TTYH2: variants seen among roughly 807,000 people sequenced by gnomAD.
TTYH2 encodes the protein protein tweety homolog 2.
In TTYH2, 49 loss-of-function variants were observed where a neutral mutation model predicts 68.3. The observed-to-expected ratio is 0.72, with a 90% CI of 0.57 to 0.91. TTYH2 has a LOEUF of 0.91. Among genes scored for constraint, TTYH2 ranks in the 40% least tolerant of loss-of-function variants. The pLI, the probability that TTYH2 is intolerant of heterozygous loss-of-function variation, is 0.00. For missense variants in TTYH2, 631 were observed against 700.4 expected (o/e 0.90, Z 1.12); for synonymous variants, 272 against 300.8 (o/e 0.90, Z 0.99).
chr17:74,243,914 T>TGGGGTGGGGGGGGGGGGGGGGG, intron 5 of TTYH2, 63 bp from the exon 6 acceptor site: 2 of 1,203,952 alleles, frequency 1.7e-6, no homozygotes, highest in East Asian at 8.8e-5. Flanking sequence ...GCAGGGTGGG[T>TGGGGTGGGGGGGGGGGGGGGGG]GGGGTGATGG....
At chr17:74,218,182 AG>A (rs1277096816) in intron 1 of TTYH2, among the ~76,000 whole-genome samples, 4 of 69,792 alleles carry the variant, frequency 5.7e-5, no homozygotes, top group Admixed American at 5.5e-4. Flanking sequence ...GGTTAGGGGG[AG>A]GGGGGTGGGC....
intron 2 of TTYH2, among the ~76,000 whole-genome samples, chr17:74,228,097 C>T (rs1180850733): frequency 1.3e-5 from 2 of 150,314 alleles, no homozygotes; most frequent in Admixed American, 1.3e-4. Flanking sequence ...GATTCTCCTG[C>T]CTCAGTCTCC....
rs2050234772 is a variant in TTYH2 at position 74,217,726 on chromosome 17, G to C, written c.129+4010G>C. Among the ~76,000 whole-genome samples, 1 of 152,202 alleles carries C rather than the reference G, an allele frequency of 6.6e-6. No homozygotes were observed. The highest frequency in any genetic ancestry group is 6.5e-5 in the Admixed American group (1 of 15,284). ...TCTCTCTATGTCTTCTGGGGCCAGG[G>C]CTGTTGCCCCCTCCCCTGCCCAGTG... On this transcript the variant is annotated intron_variant, in intron 1 of 13. Transcript: ENST00000269346. The surrounding 1 kb of genome is among the most constrained non-coding windows in gnomAD (Gnocchi z 4.0).
Position 74,237,369 on chromosome 17 carries a change from C to T in TTYH2, c.490C>T (p.Arg164Trp), listed in dbSNP as rs200550210. The T allele has an allele frequency of 1.7e-5, 28 of 1,613,998 alleles. No individual in the cohort carries two copies. Among genetic ancestry groups the T allele is most frequent in the South Asian group, 1.1e-4 (10 of 91,076 alleles). ...CCGGCTCAGTGAGATCTTTGCTGCCCGGGGCGATTACCTGCAGACCCTGAA... is the reference window on the plus strand; with the variant it reads ...CCGGCTCAGTGAGATCTTTGCTGCCTGGGGCGATTACCTGCAGACCCTGAA... ...LARLSEIFAARGDYLQTLKFI... is the reference protein window; with the variant it reads ...LARLSEIFAAWGDYLQTLKFI... Residue 164 changes from arginine (R) to tryptophan (W), a missense_variant, in exon 4 of 14, where the codon CGG becomes TGG. Transcript: ENST00000269346.
intron 5 of TTYH2, 23 bp from the exon 6 acceptor site, chr17:74,243,954 G>T: frequency 6.2e-7 from 1 of 1,608,680 alleles, no homozygotes; most frequent in Non-Finnish European, 8.5e-7. Context: ...GCCTGCCAAC[G>T]TTGTCGCCTG....
chr17:74,219,810 T>G (rs541676540), intron 1 of TTYH2, among the ~76,000 whole-genome samples: 1 of 152,198 alleles, frequency 6.6e-6, no homozygotes, highest in Non-Finnish European at 1.5e-5. Flanking sequence ...ATCTTTTCTC[T>G]TGTTGGTGGA....
In TTYH2 at chr17:74,217,056, G is replaced by A. The variant is rs139366172; in HGVS notation, c.129+3340G>A. ...ACTGAATCCAGCAATGTCTCTCTGA[G>A]CAAATGAACGAGGCACTTCGGTGTC... On this transcript the variant is annotated intron_variant, in intron 1 of 13. Coordinates refer to ENST00000269346, the MANE Select transcript of TTYH2 (RefSeq NM_032646.6). This position sits in a 1 kb window ranked among gnomAD's most constrained non-coding sequence, Gnocchi z 4.0. Among the ~76,000 whole-genome samples, 92 of 152,360 alleles carry A rather than the reference G, an allele frequency of 6.0e-4. 1 individual carries two copies. Among genetic ancestry groups the A allele is most frequent in the South Asian group, 2.5e-3 (12 of 4,832 alleles).
In TTYH2 at chr17:74,221,799, G is replaced by A. The variant is rs550691286; in HGVS notation, c.130-686G>A. Among the ~76,000 whole-genome samples the A allele has an allele frequency of 4.9e-4, 75 of 152,278 alleles. No homozygotes were observed. The Middle Eastern group carries it at 0.017, about 35-fold the overall frequency. On this transcript the variant is annotated intron_variant, in intron 1 of 13. Transcript: ENST00000269346. ...TGGAGGTTCAGCTGTCCCTGGTGGG[G>A]TGCAGTGGAAGGGACTCCAGAAGTT... is the stretch of plus-strand genomic sequence containing the variant.
At chr17:74,251,792 C>G (rs899746451) in intron 10 of TTYH2, 1 of 169,410 alleles carries the variant, frequency 5.9e-6, no homozygotes, top group African/African-American at 2.4e-5. Context: ...TTTAAAAGTC[C>G]GTACTCCTCT....
In TTYH2 at chr17:74,213,733, C is replaced by G. The variant is rs751845973; in HGVS notation, c.129+17C>G. 3.7e-6 allele frequency: 6 copies of G among 1,606,862 alleles called. No individual in the cohort carries two copies. The highest frequency in any genetic ancestry group is 3.4e-6 in the Non-Finnish European group (4 of 1,176,568). On this transcript the variant is annotated intron_variant, in intron 1 of 13. Coordinates refer to ENST00000269346, the MANE Select transcript of TTYH2 (RefSeq NM_032646.6). This position sits in a 1 kb window ranked among gnomAD's most constrained non-coding sequence, Gnocchi z 6.1. ...TACCAGGAGGTAAGTTTACGCCGCC[C>G]CAGACCGCAGCCACGCGCGCCCCAA... is the stretch of plus-strand genomic sequence containing the variant.
At position 74,213,792 on chromosome 17, in the gene TTYH2, T is replaced by C. The variant is rs2050195381; in HGVS notation, c.129+76T>C. 1 of 1,536,190 alleles carries C rather than the reference T, an allele frequency of 6.5e-7. No homozygotes were observed. The highest frequency in any genetic ancestry group is 1.8e-5 in the Admixed American group (1 of 55,260). On this transcript the variant is annotated intron_variant, in intron 1 of 13. Transcript: ENST00000269346. The surrounding 1 kb of genome is among the most constrained non-coding windows in gnomAD (Gnocchi z 6.1). ...ACTACCCCCTCTCCCCTCGAGAGCC[T>C]GCACTTTCCCACGTGCCTCTCAGAC... is the stretch of plus-strand genomic sequence containing the variant.
At chr17:74,230,157 G>A (rs991326586) in intron 2 of TTYH2, among the ~76,000 whole-genome samples, 1 of 151,968 alleles carries the variant, frequency 6.6e-6, no homozygotes, top group African/African-American at 2.4e-5. Flanking sequence ...AAATAAAGGG[G>A]TTAGAGGGGA....
chr17:74,252,140 C>G (rs1238505320), intron 10 of TTYH2, 94 bp from the exon 11 acceptor site: 1 of 1,542,390 alleles, frequency 6.5e-7, no homozygotes, highest in Non-Finnish European at 8.8e-7. Context: ...ACCCCAGGTC[C>G]AGGCTCGGGG....
At chr17:74,221,334 C>T (rs898463453) in intron 1 of TTYH2, among the ~76,000 whole-genome samples, 6 of 152,186 alleles carry the variant, frequency 3.9e-5, no homozygotes, top group South Asian at 2.1e-4. Flanking sequence ...CTGCAGAGCC[C>T]GGCCTTGGTT....
At chr17:74,234,350 C>G (rs2050421164) in intron 3 of TTYH2, among the ~76,000 whole-genome samples, 1 of 152,216 alleles carries the variant, frequency 6.6e-6, no homozygotes, top group South Asian at 2.1e-4. Flanking sequence ...GTTCTCAGAG[C>G]TTTCCGTGAG....
At chr17:74,251,697 A>G (rs1337173605) in intron 10 of TTYH2, among the ~76,000 whole-genome samples, 1 of 151,872 alleles carries the variant, frequency 6.6e-6, no homozygotes, top group East Asian at 1.9e-4. Context: ...GAGCTTTCAC[A>G]CATGCAACCA....
At chr17:74,237,547 A>G in intron 4 of TTYH2, 33 bp downstream of exon 4, 1 of 1,565,442 alleles carries the variant, frequency 6.4e-7, no homozygotes, top group Non-Finnish European at 8.7e-7. Flanking sequence ...AGGGAGGGGC[A>G]GCAGCGGCTA....
At chr17:74,231,487 A>G (rs1333663670) in intron 3 of TTYH2, among the ~76,000 whole-genome samples, 10 of 152,090 alleles carry the variant, frequency 6.6e-5, no homozygotes, top group Non-Finnish European at 1.5e-4. Flanking sequence ...CAGGAGTTTG[A>G]GACCAGCCTG....
Position 74,222,744 on chromosome 17 carries a change from C to A in TTYH2, c.302+87C>A, listed in dbSNP as rs895955506. ...GTTTGACCATGTTCTGACGGAGCTC[C>A]AGCTACCTTGATGGAAAAGCTTGTC... On this transcript the variant is annotated intron_variant, in intron 2 of 13. Transcript: ENST00000269346. This position sits in a 1 kb window ranked among gnomAD's most constrained non-coding sequence, Gnocchi z 5.2. 90 of 1,386,132 alleles carry A rather than the reference C, an allele frequency of 6.5e-5. No individual in the cohort carries two copies. Among genetic ancestry groups the A allele is most frequent in the Non-Finnish European group, 8.1e-5 (85 of 1,054,276 alleles). The allele number at this position is 1,386,132 out of a possible 1,614,324, so 85.9% of individuals were successfully genotyped here.
Sources: gnomAD v4.1 joint callset for allele counts (sites outside exome capture counted in the v4.1 genomes callset) on GRCh38, gnomAD v4.1.1 for gene constraint, Gnocchi (gnomAD v3.1) non-coding constraint, MANE v1.5 for transcripts, NCBI Gene and HGNC (gene_info 2026-07-23, HGNC 2026-07-21) for gene names.